TNS3: variants seen among roughly 807,000 people sequenced by gnomAD.
TNS3 encodes tensin-3.
A neutral mutation model predicts 140.9 loss-of-function variants in TNS3; 45 were observed. The ratio of observed to expected loss-of-function variants is 0.32; its 90% CI spans 0.25 to 0.41. The LOEUF is 0.41. Ranked by LOEUF, TNS3 falls within the 10% of genes least tolerant of loss-of-function variation. TNS3 has a pLI of 1.00. For synonymous variants in TNS3, 815 were observed against 788.4 expected, an observed-to-expected ratio of 1.03 and a Z score of -0.56; for missense variants, 1,716 against 1,906.7, an observed-to-expected ratio of 0.90 and a Z score of 1.86.
At chr7:47,427,823 G>A (rs1342422159) in intron 9 of TNS3, among the ~76,000 whole-genome samples, 1 of 152,224 alleles carries the variant, frequency 6.6e-6, no homozygotes, top group Non-Finnish European at 1.5e-5. Flanking sequence ...CAATGGGAAT[G>A]ATAGTAACTG....
intron 1 of TNS3, among the ~76,000 whole-genome samples, chr7:47,545,141 ATTTTT>A: frequency 8.2e-6 from 1 of 121,958 alleles, no homozygotes; most frequent in South Asian, 2.7e-4. Context: ...GTAAGAGGGC[ATTTTT>A]TTTTTTTTTT....
At chr7:47,419,742 G>A (rs1794272434) in intron 10 of TNS3, among the ~76,000 whole-genome samples, 1 of 152,076 alleles carries the variant, frequency 6.6e-6, no homozygotes, top group South Asian at 2.1e-4. Context: ...TCAGGCTTTT[G>A]CATTTCTGAC....
At chr7:47,417,015 C>T (rs940905285) in intron 10 of TNS3, among the ~76,000 whole-genome samples, 4 of 152,188 alleles carry the variant, frequency 2.6e-5, no homozygotes, top group Admixed American at 1.3e-4. Flanking sequence ...GCAGTGACCA[C>T]GCGGCTAAGA....
At chr7:47,507,524 T>C (rs1798463788) in intron 2 of TNS3, among the ~76,000 whole-genome samples, 1 of 152,186 alleles carries the variant, frequency 6.6e-6, no homozygotes, top group African/African-American at 2.4e-5. Context: ...AATAAATTCA[T>C]GTCTAAATTC....
At chr7:47,347,669 A>G (rs1447202151) in intron 17 of TNS3, among the ~76,000 whole-genome samples, 1 of 152,010 alleles carries the variant, frequency 6.6e-6, no homozygotes, top group African/African-American at 2.4e-5. Flanking sequence ...CAAGCAAGGG[A>G]GATCCAAACA....
chr7:47,574,668 T>A (rs1800636204), intron 1 of TNS3, among the ~76,000 whole-genome samples: 1 of 151,852 alleles, frequency 6.6e-6, no homozygotes, highest in Admixed American at 6.6e-5. Context: ...CACGGTATTA[T>A]TCAGCCTTAA....
intron 10 of TNS3, among the ~76,000 whole-genome samples, chr7:47,423,016 C>CCAACACACCCAACACACAT (rs1179209849): frequency 6.6e-6 from 1 of 152,130 alleles, no homozygotes; most frequent in Admixed American, 6.5e-5. Context: ...CCAACACACC[C>CCAACACACCCAACACACAT]GGTTTCAAGA....
chr7:47,368,425 G>A lies in TNS3; in HGVS notation c.2221C>T (p.Arg741Trp), dbSNP rs777401189. ...GTGTCAGGCAGCCTGCTGCTTGCCC[G>A]GAGCCCACCTCCCACGCTGTCTGGA... ...VSPDSVGGGLRASSRLPDTGE... is the reference protein window; with the variant it reads ...VSPDSVGGGLWASSRLPDTGE... The change falls in exon 17 of 31, where the codon CGG becomes TGG. Residue 741 changes from arginine (R) to tryptophan (W), a missense_variant. This residue lies in a region of TNS3 where 1,163 missense variants were observed against 1,182.1 expected (regional missense o/e 0.98). Transcript: ENST00000311160. 2.3e-5 allele frequency: 35 copies of A among 1,527,688 alleles called. No homozygotes were observed. The highest frequency in any genetic ancestry group is 1.8e-4 in the Middle Eastern group (1 of 5,686). 94.6% of individuals were successfully genotyped at this position (1,527,688 alleles called of 1,614,324 possible).
intron 1 of TNS3, among the ~76,000 whole-genome samples, chr7:47,552,035 G>A (rs986156036): frequency 1.3e-5 from 2 of 151,926 alleles, no homozygotes; most frequent in African/African-American, 2.4e-5. Context: ...GAAAAGGGGC[G>A]GCATTCTTAC....
intron 17 of TNS3, 92 bp from the exon 18 acceptor site, chr7:47,346,448 G>T (rs569139346): frequency 2.7e-6 from 4 of 1,476,196 alleles, no homozygotes; most frequent in Middle Eastern, 2.4e-4. Context: ...CTTCTCAAAG[G>T]TGCTGTATGC....
intron 24 of TNS3, among the ~76,000 whole-genome samples, chr7:47,295,117 A>G (rs1337339243): frequency 6.6e-6 from 1 of 152,102 alleles, no homozygotes; most frequent in Non-Finnish European, 1.5e-5. Flanking sequence ...GTCAGATAAG[A>G]TTTCACCCAG....
chr7:47,401,064 G>A, intron 13 of TNS3, 150 bp from the exon 14 acceptor site: 1 of 1,200,312 alleles, frequency 8.3e-7, no homozygotes, highest in Non-Finnish European at 1.1e-6. Flanking sequence ...CTTCAGCCCT[G>A]GGGCACAGGC....
At chr7:47,374,212 ATT>A (rs1468059019) in intron 16 of TNS3, among the ~76,000 whole-genome samples, 3 of 152,240 alleles carry the variant, frequency 2.0e-5, no homozygotes, top group African/African-American at 7.2e-5. Context: ...TCCAGGGAAC[ATT>A]TGAACATTAT....
At chr7:47,411,828 C>G in intron 12 of TNS3, 26 bp from the exon 13 acceptor site, 1 of 1,604,706 alleles carries the variant, frequency 6.2e-7, no homozygotes, top group South Asian at 1.1e-5. Flanking sequence ...GAAGGTAGAT[C>G]ATTATGCAAC....
chr7:47,347,907 A>G (rs1334985905), intron 17 of TNS3, among the ~76,000 whole-genome samples: 1 of 152,058 alleles, frequency 6.6e-6, no homozygotes, highest in African/African-American at 2.4e-5. Context: ...AAGGGGGAGG[A>G]TTAAATGAAA....
At chr7:47,347,370 T>C (rs902228746) in intron 17 of TNS3, among the ~76,000 whole-genome samples, 1 of 152,086 alleles carries the variant, frequency 6.6e-6, no homozygotes. Context: ...TGACACCTCC[T>C]ACATCCAGAG....
chr7:47,308,524 G>A (rs1217814530), intron 20 of TNS3, among the ~76,000 whole-genome samples: 2 of 152,140 alleles, frequency 1.3e-5, no homozygotes, highest in Non-Finnish European at 2.9e-5. Flanking sequence ...TTGATTGAAT[G>A]CCAGACACTG....
intron 28 of TNS3, among the ~76,000 whole-genome samples, chr7:47,282,918 A>C (rs1016113771): frequency 1.7e-4 from 26 of 152,006 alleles, no homozygotes; most frequent in African/African-American, 5.8e-4. Context: ...CACCACAGAG[A>C]GGCATGGGGG....
chr7:47,365,716 C>T (rs577263327), intron 17 of TNS3, among the ~76,000 whole-genome samples: 4 of 150,416 alleles, frequency 2.7e-5, no homozygotes, highest in East Asian at 2.0e-4. Context: ...GCTGAGATCA[C>T]GCCATTGCAC....
Sources: gnomAD v4.1 joint callset for allele counts (sites outside exome capture counted in the v4.1 genomes callset) on GRCh38, gnomAD v4.1.1 for gene constraint, gnomAD v4.1.1 regional missense constraint, MANE v1.5 for transcripts, NCBI Gene and HGNC (gene_info 2026-07-23, HGNC 2026-07-21) for gene names.